Variants in RABGAP1L observed in about 807,000 individuals in gnomAD.
The protein encoded by RABGAP1L is RAB GTPase activating protein 1 like, also known as rab GTPase-activating protein 1-like.
In RABGAP1L, 63 loss-of-function variants were observed where a neutral mutation model predicts 137.7. That is an observed-to-expected ratio of 0.46 (90% CI 0.37 to 0.56). The LOEUF (loss-of-function observed/expected upper bound fraction) is 0.56, where lower values mean the gene tolerates loss of function less well. Ranked by LOEUF, RABGAP1L falls within the 20% of genes least tolerant of loss-of-function variation. The pLI is 0.00. For synonymous variants in RABGAP1L, 431 were observed against 433.7 expected, an observed-to-expected ratio of 0.99 and a Z score of 0.08; for missense variants, 1,095 against 1,244.0, an observed-to-expected ratio of 0.88 and a Z score of 1.80.
At chr1:174,715,533 A>G (rs1680924789) in intron 17 of RABGAP1L, among the ~76,000 whole-genome samples, 1 of 152,230 alleles carries the variant, frequency 6.6e-6, no homozygotes, top group Admixed American at 6.5e-5. Context: ...AAAGATTTAC[A>G]TACCTTGTCA....
intron 14 of RABGAP1L, among the ~76,000 whole-genome samples, chr1:174,672,041 G>T (rs1677214961): frequency 1.3e-5 from 2 of 151,994 alleles, no homozygotes; most frequent in Admixed American, 1.3e-4. Context: ...GACTGAATCA[G>T]TAATATTTCA....
chr1:174,993,339 G>A lies in RABGAP1L; in HGVS notation c.*3338G>A, dbSNP rs1672177937. 2.0e-5 allele frequency: 3 copies of A among 152,170 alleles called. No individual in the cohort carries two copies. The South Asian group carries it at 6.2e-4, about 32-fold the overall frequency. The allele number at this position is 152,170 out of a possible 1,614,324, so 9.4% of individuals were successfully genotyped here. A position where few individuals can be genotyped will look rare whatever the true frequency, so the allele number is the denominator to read the frequency against. ...TCATTGGCTTTCTGAAATGTCCTGA[G>A]TAAAGTAGAAAAGCAACCTTTGTAT... On this transcript the variant is annotated 3_prime_UTR_variant, in exon 26 of 26. Coordinates refer to ENST00000681986, the MANE Select transcript of RABGAP1L (RefSeq NM_001366446.1).
intron 13 of RABGAP1L, among the ~76,000 whole-genome samples, chr1:174,467,280 TA>T (rs1261084941): frequency 6.6e-6 from 1 of 152,148 alleles, no homozygotes; most frequent in Non-Finnish European, 1.5e-5. Context: ...ATTGAAAGCT[TA>T]AAATTTGTCT....
At chr1:174,502,717 T>TAC (rs200047503) in intron 13 of RABGAP1L, among the ~76,000 whole-genome samples, 438 of 150,594 alleles carry the variant, frequency 2.9e-3, no homozygotes, top group African/African-American at 3.0e-3. Flanking sequence ...TGCATATATA[T>TAC]ACACACACAC....
intron 11 of RABGAP1L, among the ~76,000 whole-genome samples, chr1:174,349,972 A>T (rs1407650743): frequency 1.3e-5 from 1 of 79,808 alleles, no homozygotes; most frequent in East Asian, 5.2e-4. Context: ...TGACCCCCCC[A>T]TCTCCCTCCC....
intron 19 of RABGAP1L, chr1:174,897,497 A>G (rs564762671): frequency 7.2e-5 from 11 of 152,356 alleles, no homozygotes; most frequent in African/African-American, 2.6e-4. Context: ...TTCTGACCTC[A>G]GGAGCCTGGA....
At chr1:174,191,211 T>C (rs1667190783) in intron 1 of RABGAP1L, among the ~76,000 whole-genome samples, 1 of 152,230 alleles carries the variant, frequency 6.6e-6, no homozygotes, top group South Asian at 2.1e-4. Context: ...ATCTCAGGAA[T>C]GTGTGTGAAT....
chr1:174,688,033 A>C (rs1678607726), intron 15 of RABGAP1L, among the ~76,000 whole-genome samples: 1 of 152,212 alleles, frequency 6.6e-6, no homozygotes, highest in African/African-American at 2.4e-5. Context: ...AGACTCTTAC[A>C]TCCATTTATG....
At chr1:174,308,081 G>A (rs1188608180) in intron 11 of RABGAP1L, among the ~76,000 whole-genome samples, 1 of 151,774 alleles carries the variant, frequency 6.6e-6, no homozygotes, top group African/African-American at 2.4e-5. Context: ...GAGTACCTTT[G>A]CATATACCTG....
At chr1:174,174,186 GAA>G (rs1429577034) in intron 1 of RABGAP1L, among the ~76,000 whole-genome samples, 1 of 128,796 alleles carries the variant, frequency 7.8e-6, no homozygotes, top group African/African-American at 2.8e-5. Context: ...GAAGAAATTG[GAA>G]AAAAAATACA....
chr1:174,223,293 A>AAAAAAAAAAC (rs1669906157), intron 3 of RABGAP1L, among the ~76,000 whole-genome samples: 1 of 147,736 alleles, frequency 6.8e-6, no homozygotes, highest in South Asian at 2.1e-4. Flanking sequence ...AAAAAAAAAA[A>AAAAAAAAAAC]TTAGCTGGGC....
chr1:174,276,672 G>A (rs979586084), intron 9 of RABGAP1L, among the ~76,000 whole-genome samples: 3 of 151,834 alleles, frequency 2.0e-5, no homozygotes, highest in Admixed American at 1.3e-4. Flanking sequence ...TTTGGCCTTC[G>A]GGATGCTTGT....
intron 13 of RABGAP1L, among the ~76,000 whole-genome samples, chr1:174,423,553 A>G (rs1651605279): frequency 1.3e-5 from 2 of 152,176 alleles, no homozygotes; most frequent in Non-Finnish European, 2.9e-5. Flanking sequence ...TCAACTGATA[A>G]AAAAATTTAA....
intron 13 of RABGAP1L, among the ~76,000 whole-genome samples, chr1:174,436,850 A>C (rs934046089): frequency 6.7e-6 from 1 of 150,270 alleles, no homozygotes; most frequent in Non-Finnish European, 1.5e-5. Context: ...TCACACAGCC[A>C]GGTACTCCTC....
intron 13 of RABGAP1L, among the ~76,000 whole-genome samples, chr1:174,589,772 T>C (rs1272488553): frequency 6.6e-6 from 1 of 152,192 alleles, no homozygotes; most frequent in Non-Finnish European, 1.5e-5. Context: ...TCAATGTAGA[T>C]GTATGGATTT....
intron 7 of RABGAP1L, among the ~76,000 whole-genome samples, chr1:174,267,187 G>A (rs1280993571): frequency 6.6e-6 from 1 of 152,146 alleles, no homozygotes; most frequent in East Asian, 1.9e-4. Flanking sequence ...TAATTATAAG[G>A]AGACTGGAGA....
At chr1:174,421,814 G>A (rs1028947161) in intron 13 of RABGAP1L, among the ~76,000 whole-genome samples, 1 of 152,190 alleles carries the variant, frequency 6.6e-6, no homozygotes, top group African/African-American at 2.4e-5. Flanking sequence ...TGTTGCCCAG[G>A]CTGGAGTACA....
At chr1:174,554,213 A>C (rs1036421132) in intron 13 of RABGAP1L, among the ~76,000 whole-genome samples, 1 of 152,218 alleles carries the variant, frequency 6.6e-6, no homozygotes, top group Non-Finnish European at 1.5e-5. Context: ...AAATTGGACC[A>C]AATTCTTGGT....
chr1:174,828,081 C>A (rs527549435), intron 19 of RABGAP1L, among the ~76,000 whole-genome samples: 6 of 148,184 alleles, frequency 4.0e-5, no homozygotes, highest in Admixed American at 2.7e-4. Flanking sequence ...AATTTTGACC[C>A]AATTTTAGGA....
Sources: gnomAD v4.1 joint callset for allele counts (sites outside exome capture counted in the v4.1 genomes callset) on GRCh38, gnomAD v4.1.1 for gene constraint, MANE v1.5 for transcripts, NCBI Gene and HGNC (gene_info 2026-07-23, HGNC 2026-07-21) for gene names.